Variants in FAIM2 observed in about 807,000 individuals in gnomAD.
FAIM2 encodes the protein protein lifeguard 2.
Under a neutral mutation model 47.4 loss-of-function variants are expected in FAIM2, and 27 were observed. The observed-to-expected ratio is 0.57, with a 90% CI of 0.42 to 0.78. The LOEUF (loss-of-function observed/expected upper bound fraction) is 0.78, where lower values mean the gene tolerates loss of function less well. Ranked by LOEUF, FAIM2 falls within the 30% of genes least tolerant of loss-of-function variation. FAIM2 has a pLI of 0.00. For synonymous variants in FAIM2, 156 were observed against 159.3 expected (o/e 0.98, Z 0.16); for missense variants, 311 against 389.4 (o/e 0.80, Z 1.69).
Position 49,867,023 on chromosome 12 carries a change from G to A in FAIM2, c.*3481C>T, listed in dbSNP as rs1946667372. On this transcript the variant is annotated 3_prime_UTR_variant, in exon 12 of 12. Transcript: ENST00000320634. The stretch of plus-strand genomic sequence containing the variant: ...GAGCTAAGGCCAGTGGACAGCAGGA[G>A]TGTCGGGGGTGTGGCAGCTGGCCTG... The A allele has an allele frequency of 6.6e-6, 1 of 152,548 alleles. No homozygotes were observed. The highest frequency in any genetic ancestry group is 1.5e-5 in the Non-Finnish European group (1 of 68,310). The allele number at this position is 152,548 out of a possible 1,614,324, so 9.4% of individuals were successfully genotyped here. A position where few individuals can be genotyped will look rare whatever the true frequency, so the allele number is the denominator to read the frequency against.
At chr12:49,887,504 G>T in intron 10 of FAIM2, 65 bp from the exon 11 acceptor site, 1 of 1,403,716 alleles carries the variant, frequency 7.1e-7, no homozygotes, top group Non-Finnish European at 1.0e-6. Flanking sequence ...GGGCAGGGAG[G>T]AGGGTTCAGT....
chr12:49,880,306 ATG>A (rs1196650005), intron 11 of FAIM2, among the ~76,000 whole-genome samples: 42 of 144,538 alleles, frequency 2.9e-4, no homozygotes, highest in African/African-American at 9.6e-4. Flanking sequence ...GTGTATGTGC[ATG>A]TGTGTATGTG....
intron 1 of FAIM2, 150 bp downstream of exon 1, chr12:49,903,628 T>G: frequency 9.3e-7 from 1 of 1,074,662 alleles, no homozygotes; most frequent in Non-Finnish European, 1.4e-6. Flanking sequence ...ACACCGGCCT[T>G]TCGGTCCTCT....
chr12:49,872,123 CAA>C (rs1565611434), intron 11 of FAIM2, among the ~76,000 whole-genome samples: 1 of 152,086 alleles, frequency 6.6e-6, no homozygotes, highest in Non-Finnish European at 1.5e-5. Flanking sequence ...TTGCTAAGAG[CAA>C]AAGAGACGAG....
At chr12:49,899,960 G>T (rs926237742) in intron 2 of FAIM2, among the ~76,000 whole-genome samples, 1 of 152,218 alleles carries the variant, frequency 6.6e-6, no homozygotes, top group African/African-American at 2.4e-5. Flanking sequence ...AAATGAGGAA[G>T]GGGGAGAGAG....
chr12:49,887,038 T>C (rs577515381), intron 11 of FAIM2, among the ~76,000 whole-genome samples: 1 of 152,218 alleles, frequency 6.6e-6, no homozygotes, highest in East Asian at 1.9e-4. Context: ...GGAGGGTAAC[T>C]ACTAACTTGG....
chr12:49,881,623 G>A (rs1203019717), intron 11 of FAIM2, among the ~76,000 whole-genome samples: 6 of 152,116 alleles, frequency 3.9e-5, no homozygotes, highest in South Asian at 4.1e-4. Context: ...CTTCCTGTGC[G>A]ACTTTCCATG....
chr12:49,878,848 GTGTA>G lies in FAIM2; in HGVS notation c.802-8199_802-8196del, dbSNP rs1382293846. 1.2e-4 allele frequency among the ~76,000 whole-genome samples: 7 copies of G among 59,878 alleles called. 1 individual carries two copies. The highest frequency in any genetic ancestry group is 5.6e-4 in the Admixed American group (3 of 5,388). 39.3% of individuals were successfully genotyped at this position (59,878 alleles called of 152,430 possible). A position where few individuals can be genotyped will look rare whatever the true frequency, so the allele number is the denominator to read the frequency against. ...TATGTGAGTGTATGTGTGTGCATGTGTGTATGTGTGTGTCTGTGCATGTGAGTGT... is the reference window on the plus strand; with the variant it reads ...TATGTGAGTGTATGTGTGTGCATGTGTGTGTGTGTCTGTGCATGTGAGTGT... On this transcript the variant is annotated intron_variant, in intron 11 of 11. Transcript: ENST00000320634.
intron 7 of FAIM2, 120 bp from the exon 8 acceptor site, chr12:49,890,274 AC>A: frequency 2.4e-6 from 2 of 830,942 alleles, no homozygotes; most frequent in East Asian, 2.6e-5. Flanking sequence ...TGTCTATGTC[AC>A]CCCCACACAC....
intron 1 of FAIM2, among the ~76,000 whole-genome samples, chr12:49,903,557 C>T (rs12427051): frequency 2.0e-5 from 3 of 152,184 alleles, no homozygotes; most frequent in Non-Finnish European, 4.4e-5. Context: ...GCAGGGGTGG[C>T]AGGGTGACAG....
rs1256532545 is a variant in FAIM2 at position 49,878,656 on chromosome 12, T to TA, written c.802-8004_802-8003insT. Among the ~76,000 whole-genome samples the TA allele has an allele frequency of 8.5e-4, 93 of 109,932 alleles. 6 individuals are homozygous for TA. Among genetic ancestry groups the TA allele is most frequent in the African/African-American group, 3.8e-3 (90 of 23,454 alleles). 72.1% of individuals were successfully genotyped at this position (109,932 alleles called of 152,430 possible). A position where few individuals can be genotyped will look rare whatever the true frequency, so the allele number is the denominator to read the frequency against. On this transcript the variant is annotated intron_variant, in intron 11 of 11. Coordinates refer to ENST00000320634, the MANE Select transcript of FAIM2 (RefSeq NM_012306.4). ...TATGTGCCCTTGTATATATGTGCGC[T>TA]TGTATGTGCATGTGTGTATGTGTGT...
chr12:49,894,921 C>T (rs1946925277), intron 5 of FAIM2, among the ~76,000 whole-genome samples: 1 of 152,180 alleles, frequency 6.6e-6, no homozygotes, highest in Admixed American at 6.5e-5. Context: ...TCTCAATGCT[C>T]CTATTGTTAT....
chr12:49,878,056 A>ATG (rs1341025388), intron 11 of FAIM2, among the ~76,000 whole-genome samples: 79 of 57,438 alleles, frequency 1.4e-3, no homozygotes, highest in African/African-American at 2.9e-3. Context: ...GCATGTGTAT[A>ATG]TGTGCGTGTA....
rs368839971 is a variant in FAIM2, at chr12:49,890,637, C to A, written c.525+46G>T. On this transcript the variant is annotated intron_variant, in intron 7 of 11. Transcript: ENST00000320634. ...AATCCACCCTGCTTCCCTTCTTCCTCCATCCCCACTCAGCGTCTGTCCTCA... is the reference window on the plus strand; with the variant it reads ...AATCCACCCTGCTTCCCTTCTTCCTACATCCCCACTCAGCGTCTGTCCTCA... 121 of 1,583,260 alleles carry A rather than the reference C, an allele frequency of 7.6e-5. 1 individual carries two copies. The highest frequency in any genetic ancestry group is 1.7e-5 in the Admixed American group (1 of 59,964).
intron 11 of FAIM2, among the ~76,000 whole-genome samples, chr12:49,879,690 G>T (rs1481810243): frequency 2.1e-5 from 2 of 96,552 alleles, no homozygotes; most frequent in Non-Finnish European, 2.1e-5. Context: ...GTGTATCTGT[G>T]TCTGTGTGCA....
intron 3 of FAIM2, 41 bp downstream of exon 3, chr12:49,897,946 A>C (rs1400173205): frequency 1.3e-6 from 2 of 1,499,020 alleles, no homozygotes. Flanking sequence ...GGGCTCCCCC[A>C]CTGAGGCTCC....
chr12:49,873,845 A>G (rs147798096), intron 11 of FAIM2, among the ~76,000 whole-genome samples: 59 of 152,292 alleles, frequency 3.9e-4, no homozygotes, highest in African/African-American at 1.3e-3. Flanking sequence ...CTGTGAGTCA[A>G]ACAAAGTCTT....
At chr12:49,889,336 C>T in intron 9 of FAIM2, 134 bp from the exon 10 acceptor site, 2 of 959,086 alleles carry the variant, frequency 2.1e-6, no homozygotes, top group Non-Finnish European at 1.6e-6. Flanking sequence ...CCTCCTCCCC[C>T]TCATCAGGTG....
Position 49,890,171 on chromosome 12 carries a change from G to A in FAIM2, c.526-17C>T. ...GGACAGGGTCTGAAAGGAGAAGCAG[G>A]GTAAAGGAATGTTCCAAACTCAGAC... is the stretch of plus-strand genomic sequence containing the variant. On this transcript the variant is annotated splice_polypyrimidine_tract_variant and intron_variant, in intron 7 of 11. Transcript: ENST00000320634. 3 of 1,613,908 alleles carry A rather than the reference G, an allele frequency of 1.9e-6. 1 individual carries two copies. Among genetic ancestry groups the A allele is most frequent in the Middle Eastern group, 3.3e-4 (2 of 6,060 alleles).
Sources: gnomAD v4.1 joint callset for allele counts (sites outside exome capture counted in the v4.1 genomes callset) on GRCh38, gnomAD v4.1.1 for gene constraint, MANE v1.5 for transcripts, NCBI Gene and HGNC (gene_info 2026-07-23, HGNC 2026-07-21) for gene names.